The following ZNF395 variants were observed in gnomAD, a reference collection of about 807,000 sequenced individuals.
The protein encoded by ZNF395 is zinc finger protein 395.
Under a neutral mutation model 57.7 loss-of-function variants are expected in ZNF395, and 20 were observed. The observed-to-expected ratio is 0.35, with a 90% CI of 0.24 to 0.50. The LOEUF (loss-of-function observed/expected upper bound fraction) is 0.50, where lower values mean the gene tolerates loss of function less well. Among genes scored for constraint, ZNF395 ranks in the 20% least tolerant of loss-of-function variants. The pLI is 0.97. For missense variants in ZNF395, 606 were observed against 671.2 expected (o/e 0.90, Z 1.07); for synonymous variants, 295 against 275.9 (o/e 1.07, Z -0.69).
chr8:28,360,505 G>C (rs1163132480), intron 2 of ZNF395, among the ~76,000 whole-genome samples: 1 of 152,218 alleles, frequency 6.6e-6, no homozygotes, highest in African/African-American at 2.4e-5. Flanking sequence ...GTGTCTAAAG[G>C]GAATTCAAAG....
chr8:28,371,627 C>T (rs1470363316), intron 1 of ZNF395, among the ~76,000 whole-genome samples: 3 of 152,290 alleles, frequency 2.0e-5, no homozygotes, highest in Admixed American at 6.5e-5. Context: ...TGGCATGGAA[C>T]GGGAAATGTG....
chr8:28,353,403 G>T lies in ZNF395; in HGVS notation c.589C>A (p.Arg197Ser). ...TCCTTCCATGGGTCGCAGGCCGCAC[G>T]GGAAGCTGGCCAGATGAAGAAAAGA... is the stretch of plus-strand genomic sequence containing the variant. ...PGTEANFSAS[R>S]AACDPWKESG... The change falls in exon 5 of 10, where the codon CGT (arginine) becomes AGT (serine). Residue 197 changes from arginine to serine, a missense_variant. Transcript: ENST00000344423. 6.5e-7 allele frequency: 1 copy of T among 1,530,348 alleles called. No individual in the cohort carries two copies. 94.8% of individuals were successfully genotyped at this position (1,530,348 alleles called of 1,614,324 possible). A position where few individuals can be genotyped will look rare whatever the true frequency, so the allele number is the denominator to read the frequency against.
Position 28,361,157 on chromosome 8 carries a change from G to A in ZNF395, c.-33C>T. 6.2e-7 allele frequency: 1 copy of A among 1,608,256 alleles called. No individual in the cohort carries two copies. Among genetic ancestry groups the A allele is most frequent in the South Asian group, 1.1e-5 (1 of 91,068 alleles). On this transcript the variant is annotated 5_prime_UTR_variant, in exon 2 of 10. Transcript: ENST00000344423. ...CCTCTCCTCTCCTGCGGAGGCGAAG[G>A]GGACACTGAAGCCTCTGCCCATCAC...
chr8:28,364,513 G>A (rs757849497), intron 1 of ZNF395, among the ~76,000 whole-genome samples: 1 of 152,154 alleles, frequency 6.6e-6, no homozygotes, highest in Non-Finnish European at 1.5e-5. Flanking sequence ...AATTAGCCAG[G>A]TGTGGTGGCG....
intron 1 of ZNF395, among the ~76,000 whole-genome samples, chr8:28,364,265 T>C (rs754053616): frequency 3.3e-5 from 5 of 152,164 alleles, no homozygotes; most frequent in Non-Finnish European, 7.4e-5. Context: ...ATGATTCTAG[T>C]AGGTGTGGGA....
At chr8:28,366,000 C>G (rs1201117139) in intron 1 of ZNF395, among the ~76,000 whole-genome samples, 3 of 152,222 alleles carry the variant, frequency 2.0e-5, no homozygotes, top group African/African-American at 7.2e-5. Context: ...CTGTGCTCTC[C>G]TACCACCCAG....
chr8:28,353,315 C>T lies in ZNF395; in HGVS notation c.677G>A (p.Gly226Asp), dbSNP rs1801741305. 6.2e-7 allele frequency: 1 copy of T among 1,606,574 alleles called. No homozygotes were observed. Among genetic ancestry groups the T allele is most frequent in the Non-Finnish European group, 8.5e-7 (1 of 1,176,820 alleles). Residue 226 changes from glycine (G) to aspartate (D), a missense_variant, in exon 5 of 10, where the codon GGT becomes GAT. Gly to Asp is a moderately conservative substitution (Grantham distance 94, BLOSUM62 -1). Coordinates refer to ENST00000344423, the MANE Select transcript of ZNF395 (RefSeq NM_018660.3). ...GTGGGGGGGCGAGGGGGTGGAGACA[C>T]CACTGCTCCCACTCCAGTGACCGCT... ...TTSGHWSGSS[G>D]VSTPSPPHPQ...
intron 1 of ZNF395, among the ~76,000 whole-genome samples, chr8:28,371,585 T>C (rs1469817049): frequency 6.6e-6 from 1 of 152,046 alleles, no homozygotes; most frequent in Non-Finnish European, 1.5e-5. Flanking sequence ...AAAACTTGAG[T>C]CACCAAGAGG....
chr8:28,381,284 G>A (rs565121212), intron 1 of ZNF395, among the ~76,000 whole-genome samples: 14 of 151,400 alleles, frequency 9.2e-5, no homozygotes, highest in East Asian at 2.0e-4. Context: ...CTCGTGATCC[G>A]CCCGCCTCAG....
chr8:28,350,095 G>C lies in ZNF395; in HGVS notation c.1295C>G (p.Ala432Gly). 6.2e-7 allele frequency: 1 copy of C among 1,606,898 alleles called. No individual in the cohort carries two copies. The highest frequency in any genetic ancestry group is 8.5e-7 in the Non-Finnish European group (1 of 1,178,182). The change falls in exon 8 of 10, where the codon GCT becomes GGT. Residue 432 changes from alanine to glycine, a missense_variant. Physicochemically the swap from Ala to Gly is moderately conservative, Grantham distance 60. Coordinates refer to ENST00000344423, the MANE Select transcript of ZNF395 (RefSeq NM_018660.3). The part of the protein sequence containing the change: ...PHIYTSVSWA[A>G]APSAACSLSP... ...GAGAGAGCAGGCGGCGGAGGGGGCAGCAGCCCAGCTGACACTGGTGTAGAT... is the reference window on the plus strand; with the variant it reads ...GAGAGAGCAGGCGGCGGAGGGGGCACCAGCCCAGCTGACACTGGTGTAGAT...
intron 1 of ZNF395, among the ~76,000 whole-genome samples, chr8:28,381,014 A>AGT (rs10561721): frequency 0.15 from 20,310 of 133,988 alleles, 1,639 homozygotes; most frequent in Non-Finnish European, 0.2. Flanking sequence ...ACACCCTGCT[A>AGT]GTGTGTGTGT....
Position 28,352,241 on chromosome 8 carries a change from G to C in ZNF395, c.920+332C>G, listed in dbSNP as rs368441614. On this transcript the variant is annotated intron_variant, in intron 6 of 9. Coordinates refer to ENST00000344423, the MANE Select transcript of ZNF395 (RefSeq NM_018660.3). The surrounding 1 kb of genome is among the most constrained non-coding windows in gnomAD (Gnocchi z 4.0). ...CGGAGACCCACTCCCAAGGAAGAGT[G>C]GGTGGTGCAGTGCTTGGCCACTAAA... Among the ~76,000 whole-genome samples, 113 of 152,310 alleles carry C rather than the reference G, an allele frequency of 7.4e-4. No homozygotes were observed. The highest frequency in any genetic ancestry group is 4.3e-3 in the South Asian group (21 of 4,830).
chr8:28,375,928 G>A (rs1323086785), intron 1 of ZNF395, among the ~76,000 whole-genome samples: 1 of 152,198 alleles, frequency 6.6e-6, no homozygotes, highest in Non-Finnish European at 1.5e-5. Flanking sequence ...TAAGAGAGTT[G>A]TATATGGCTT....
At position 28,356,841 on chromosome 8, in the gene ZNF395, C is replaced by CA. The variant is rs1233105389; in HGVS notation, c.474-63dup. On this transcript the variant is annotated intron_variant, in intron 3 of 9. Transcript: ENST00000344423. This position sits in a 1 kb window ranked among gnomAD's most constrained non-coding sequence, Gnocchi z 4.0. ...TGGCATGGCGGGCCCATGGTCCTTG[C>CA]AAAACGAGACACCACTTCTGGCTGG... The CA allele has an allele frequency of 4.6e-6, 6 of 1,298,904 alleles. No individual in the cohort carries two copies. The African/African-American group carries it at 8.8e-5, about 19-fold the overall frequency. 80.5% of individuals were successfully genotyped at this position (1,298,904 alleles called of 1,614,324 possible). A position where few individuals can be genotyped will look rare whatever the true frequency, so the allele number is the denominator to read the frequency against.
chr8:28,356,572 G>C lies in ZNF395; in HGVS notation c.583+98C>G, dbSNP rs1474479451. On this transcript the variant is annotated intron_variant, in intron 4 of 9. Coordinates refer to ENST00000344423, the MANE Select transcript of ZNF395 (RefSeq NM_018660.3). The surrounding 1 kb of genome is among the most constrained non-coding windows in gnomAD (Gnocchi z 4.0). ...GGGAGGTGTCCCTGGACATTCTATTGCCAGGCTGGTGACATAGGCAACTAG... is the reference window on the plus strand; with the variant it reads ...GGGAGGTGTCCCTGGACATTCTATTCCCAGGCTGGTGACATAGGCAACTAG... 3.7e-6 allele frequency: 3 copies of C among 818,458 alleles called. No individual in the cohort carries two copies. The Admixed American group carries it at 8.1e-5, about 22-fold the overall frequency. 50.7% of individuals were successfully genotyped at this position (818,458 alleles called of 1,614,324 possible). A position where few individuals can be genotyped will look rare whatever the true frequency, so the allele number is the denominator to read the frequency against.
chr8:28,366,450 T>C (rs1219415168), intron 1 of ZNF395, among the ~76,000 whole-genome samples: 1 of 152,170 alleles, frequency 6.6e-6, no homozygotes, highest in Non-Finnish European at 1.5e-5. Context: ...TACACGCCTA[T>C]AGTTCCACTA....
chr8:28,353,548 A>G, intron 4 of ZNF395, 140 bp from the exon 5 acceptor site: 1 of 640,724 alleles, frequency 1.6e-6, no homozygotes. Flanking sequence ...ACCCTCGCAG[A>G]CATTTCCTAC....
At chr8:28,382,511 CCT>C (rs1802121662) in intron 1 of ZNF395, among the ~76,000 whole-genome samples, 2 of 152,152 alleles carry the variant, frequency 1.3e-5, no homozygotes, top group Non-Finnish European at 2.9e-5. Context: ...TCTGCAGCAC[CCT>C]GAGACACCAA....
Position 28,352,769 on chromosome 8 carries a change from G to A in ZNF395, c.820-96C>T, listed in dbSNP as rs1051844898. 4.7e-6 allele frequency: 5 copies of A among 1,071,298 alleles called. No homozygotes were observed. Among genetic ancestry groups the A allele is most frequent in the Middle Eastern group, 2.1e-4 (1 of 4,822 alleles). 66.4% of individuals were successfully genotyped at this position (1,071,298 alleles called of 1,614,324 possible). A position where few individuals can be genotyped will look rare whatever the true frequency, so the allele number is the denominator to read the frequency against. On this transcript the variant is annotated intron_variant, in intron 5 of 9. Coordinates refer to ENST00000344423, the MANE Select transcript of ZNF395 (RefSeq NM_018660.3). This position sits in a 1 kb window ranked among gnomAD's most constrained non-coding sequence, Gnocchi z 4.0. Reference sequence around the variant, plus strand: ...GGACTCAAACTGGCTGCTGTCCCCGGCCTGACCCAACAAAAACCTCCAGGA... The same window carrying A: ...GGACTCAAACTGGCTGCTGTCCCCGACCTGACCCAACAAAAACCTCCAGGA...
Sources: allele counts gnomAD v4.1 joint callset (sites outside exome capture counted in the v4.1 genomes callset), GRCh38; gene constraint gnomAD v4.1.1; non-coding constraint Gnocchi (gnomAD v3.1); transcripts MANE v1.5; gene names NCBI Gene and HGNC (gene_info 2026-07-23, HGNC 2026-07-21).